The following C19orf44 variants were observed in gnomAD, a reference collection of about 807,000 sequenced individuals.
C19orf44 encodes the protein chromosome 19 open reading frame 44.
C19orf44 carries 43 observed loss-of-function variants against 50.7 expected under a neutral mutation model. That is an observed-to-expected ratio of 0.85 (90% CI 0.66 to 1.09). The LOEUF (loss-of-function observed/expected upper bound fraction) is 1.09. C19orf44 is among the 50% of genes least tolerant of loss of function. The probability of loss-of-function intolerance (pLI) is 0.00; values close to 1 mark genes in which losing one functional copy is unlikely to be tolerated. For synonymous variants in C19orf44, 298 were observed against 334.7 expected (o/e 0.89, Z 1.20); for missense variants, 722 against 836.2 (o/e 0.86, Z 1.68).
chr19:16,512,869 A>G, intron 5 of C19orf44, 145 bp from the exon 6 acceptor site: 1 of 705,338 alleles, frequency 1.4e-6, no homozygotes, highest in African/African-American at 1.8e-5. Context: ...AACCAAAAAA[A>G]AAAAAAAAAA....
intron 4 of C19orf44, among the ~76,000 whole-genome samples, chr19:16,507,357 CCT>C (rs1012917652): frequency 6.6e-6 from 1 of 152,124 alleles, no homozygotes; most frequent in Non-Finnish European, 1.5e-5. Context: ...AGTCACACTC[CCT>C]GTTGTGATTT....
Position 16,519,602 on chromosome 19 carries a change from C to CCCCATTCCCTCGCCTTA in C19orf44, c.*41-486_*41-470dup, listed in dbSNP as rs2085588517. ...CGCGTGAGGACCCATCCCGCGCCCT[C>CCCCATTCCCTCGCCTTA]CCCATTCCCTCGCCTTACCCATCTT... is the stretch of plus-strand genomic sequence containing the variant. On this transcript the variant is annotated intron_variant, in intron 8 of 8. Coordinates refer to ENST00000221671, the MANE Select transcript of C19orf44 (RefSeq NM_032207.4). This position sits in a 1 kb window ranked among gnomAD's most constrained non-coding sequence, Gnocchi z 6.0. 7 of 1,608,488 alleles carry CCCCATTCCCTCGCCTTA rather than the reference C, an allele frequency of 4.4e-6. No individual in the cohort carries two copies. The highest frequency in any genetic ancestry group is 1.3e-5 in the African/African-American group (1 of 74,790).
At chr19:16,507,320 G>T (rs75929425) in intron 4 of C19orf44, among the ~76,000 whole-genome samples, 1 of 151,988 alleles carries the variant, frequency 6.6e-6, no homozygotes, top group Non-Finnish European at 1.5e-5. Flanking sequence ...ACATCTGCAC[G>T]GAGGCAACAC....
intron 2 of C19orf44, 86 bp from the exon 3 acceptor site, chr19:16,502,979 C>A: frequency 7.8e-7 from 1 of 1,274,416 alleles, no homozygotes; most frequent in Non-Finnish European, 1.1e-6. Flanking sequence ...AGAGTGAGAC[C>A]CTTTCTCAAA....
intron 1 of C19orf44, among the ~76,000 whole-genome samples, chr19:16,499,237 G>A (rs936537505): frequency 6.6e-6 from 1 of 152,032 alleles, no homozygotes; most frequent in Admixed American, 6.6e-5. Context: ...AAGTTTATTC[G>A]GGAAACAGAT....
At chr19:16,502,997 AAC>A in intron 2 of C19orf44, 66 bp from the exon 3 acceptor site, 1 of 1,473,950 alleles carries the variant, frequency 6.8e-7, no homozygotes. Flanking sequence ...AAAAAAAAAA[AAC>A]AAAAAACAAA....
Position 16,520,638 on chromosome 19 carries a change from A to G in C19orf44, c.*585A>G. On this transcript the variant is annotated 3_prime_UTR_variant, in exon 9 of 9. Transcript: ENST00000221671. This position sits in a 1 kb window ranked among gnomAD's most constrained non-coding sequence, Gnocchi z 4.0. Reference sequence around the variant, plus strand: ...TGGATGTGGCGCCATAGCCACAGCAACGGTACCAAGTTCCTAAATAGTGTG... The same window carrying G: ...TGGATGTGGCGCCATAGCCACAGCAGCGGTACCAAGTTCCTAAATAGTGTG... 1 of 1,226,040 alleles carries G rather than the reference A, an allele frequency of 8.2e-7. No individual in the cohort carries two copies. Among genetic ancestry groups the G allele is most frequent in the South Asian group, 1.4e-5 (1 of 72,924 alleles). 75.9% of individuals were successfully genotyped at this position (1,226,040 alleles called of 1,614,324 possible). A position where few individuals can be genotyped will look rare whatever the true frequency, so the allele number is the denominator to read the frequency against.
chr19:16,502,990 AAAAAAAAACAAAAAAC>A (rs2093430016), intron 2 of C19orf44, 59 bp from the exon 3 acceptor site: 10 of 1,443,092 alleles, frequency 6.9e-6, no homozygotes, highest in Admixed American at 4.4e-5. Context: ...CTTTCTCAAA[AAAAAAAAACAAAAAAC>A]AAAAAAACAA....
At position 16,521,181 on chromosome 19, in the gene C19orf44, G is replaced by A. The variant is rs1599745880; in HGVS notation, c.*1128G>A. 4 of 583,644 alleles carry A rather than the reference G, an allele frequency of 6.9e-6. No homozygotes were observed. The highest frequency in any genetic ancestry group is 4.0e-5 in the South Asian group (2 of 49,476). The allele number at this position is 583,644 out of a possible 1,614,324, so 36.2% of individuals were successfully genotyped here. On this transcript the variant is annotated 3_prime_UTR_variant, in exon 9 of 9. Coordinates refer to ENST00000221671, the MANE Select transcript of C19orf44 (RefSeq NM_032207.4). Reference sequence around the variant, plus strand: ...CATGGTCTGTGGAACTGGGAAACAGGAACACTGACTCATGGGTGGACAGGC... The same window carrying A: ...CATGGTCTGTGGAACTGGGAAACAGAAACACTGACTCATGGGTGGACAGGC...
chr19:16,499,285 T>A (rs58842944), intron 1 of C19orf44, among the ~76,000 whole-genome samples: 2,888 of 149,950 alleles, frequency 0.019, 88 homozygotes, highest in African/African-American at 0.067. Context: ...GTATAGAATC[T>A]TTTTTTTTTC....
intron 4 of C19orf44, among the ~76,000 whole-genome samples, chr19:16,507,310 A>G (rs947129528): frequency 5.9e-5 from 9 of 152,054 alleles, no homozygotes; most frequent in African/African-American, 2.2e-4. Flanking sequence ...GCCCATGACA[A>G]CATCTGCACG....
chr19:16,505,155 C>G (rs2093437283), intron 3 of C19orf44, among the ~76,000 whole-genome samples: 1 of 151,830 alleles, frequency 6.6e-6, no homozygotes, highest in African/African-American at 2.4e-5. Context: ...GTGATCTGTT[C>G]TCCTCAGCCT....
intron 4 of C19orf44, among the ~76,000 whole-genome samples, chr19:16,508,472 T>C (rs2093446766): frequency 6.6e-6 from 1 of 151,922 alleles, no homozygotes; most frequent in Non-Finnish European, 1.5e-5. Flanking sequence ...GCTCACTTCA[T>C]CCTCGATGTC....
At chr19:16,514,386 G>GAA (rs371373484) in intron 6 of C19orf44, 111 bp from the exon 7 acceptor site, 3,180 of 935,898 alleles carry the variant, frequency 3.4e-3, no homozygotes, top group South Asian at 4.1e-3. Flanking sequence ...CCTGTCTCCA[G>GAA]AAAAAAAAAA....
chr19:16,502,967 A>G, intron 2 of C19orf44, 98 bp from the exon 3 acceptor site: 3 of 1,161,764 alleles, frequency 2.6e-6, no homozygotes, highest in Non-Finnish European at 3.6e-6. Context: ...AGCCTAGGCA[A>G]CAGAGTGAGA....
At chr19:16,496,935 C>G (rs1225767796) in intron 1 of C19orf44, among the ~76,000 whole-genome samples, 1 of 152,028 alleles carries the variant, frequency 6.6e-6, no homozygotes, top group African/African-American at 2.4e-5. Context: ...CCAGACCAGC[C>G]TGGGCAACCT....
chr19:16,521,118 C>G lies in C19orf44; in HGVS notation c.*1065C>G, dbSNP rs547590309. The G allele has an allele frequency of 1.6e-6, 1 of 609,524 alleles. No individual in the cohort carries two copies. The highest frequency in any genetic ancestry group is 2.8e-5 in the East Asian group (1 of 36,196). The allele number at this position is 609,524 out of a possible 1,614,324, so 37.8% of individuals were successfully genotyped here. A position where few individuals can be genotyped will look rare whatever the true frequency, so the allele number is the denominator to read the frequency against. On this transcript the variant is annotated 3_prime_UTR_variant, in exon 9 of 9. Coordinates refer to ENST00000221671, the MANE Select transcript of C19orf44 (RefSeq NM_032207.4). ...CCAGTGGCTCCTCTGGTGCCCACGC[C>G]CTTGCCACCCTGCTGTTCCGCTGAG...
At chr19:16,518,230 G>T (rs1037529652) in intron 8 of C19orf44, 1 of 152,216 alleles carries the variant, frequency 6.6e-6, no homozygotes, top group Admixed American at 6.6e-5. Context: ...GGTGTGAAAT[G>T]AAATGATGGA....
chr19:16,506,158 G>T (rs1477558901), intron 3 of C19orf44, among the ~76,000 whole-genome samples: 1 of 149,796 alleles, frequency 6.7e-6, no homozygotes, highest in African/African-American at 2.5e-5. Context: ...TGTATTTTTA[G>T]TAGAGACAGG....
Sources: gnomAD v4.1 joint callset for allele counts (sites outside exome capture counted in the v4.1 genomes callset) on GRCh38, gnomAD v4.1.1 for gene constraint, Gnocchi (gnomAD v3.1) non-coding constraint, MANE v1.5 for transcripts, NCBI Gene and HGNC (gene_info 2026-07-23, HGNC 2026-07-21) for gene names.